Variants in PALM2AKAP2 observed in about 807,000 individuals in gnomAD.
PALM2AKAP2 encodes PALM2-AKAP2 fusion protein.
A neutral mutation model predicts 71.5 loss-of-function variants in PALM2AKAP2; 37 were observed. The ratio of observed to expected loss-of-function variants is 0.52; its 90% CI spans 0.40 to 0.68. The LOEUF (loss-of-function observed/expected upper bound fraction) is 0.68, where lower values mean the gene tolerates loss of function less well. Ranked by LOEUF, PALM2AKAP2 falls within the 30% of genes least tolerant of loss-of-function variation. PALM2AKAP2 has a pLI of 0.00. For missense variants in PALM2AKAP2, 1,224 were observed against 1,191.8 expected (o/e 1.03, Z -0.40); for synonymous variants, 468 against 478.8 (o/e 0.98, Z 0.29).
chr9:109,841,091 A>G (rs1387144173), intron 1 of PALM2AKAP2, among the ~76,000 whole-genome samples: 1 of 152,186 alleles, frequency 6.6e-6, no homozygotes. Context: ...GACACTATTC[A>G]CAATAGCAAA....
At chr9:109,989,363 A>C (rs904201167) in intron 6 of PALM2AKAP2, among the ~76,000 whole-genome samples, 5 of 152,168 alleles carry the variant, frequency 3.3e-5, no homozygotes, top group Non-Finnish European at 5.9e-5. Flanking sequence ...CCAACTCCAG[A>C]GGATGGTGCA....
chr9:109,894,399 C>T (rs1331549412), intron 3 of PALM2AKAP2, among the ~76,000 whole-genome samples: 1 of 152,162 alleles, frequency 6.6e-6, no homozygotes, highest in African/African-American at 2.4e-5. Flanking sequence ...CTGCTCAAGT[C>T]CATAAGGGAC....
chr9:110,143,781 G>A (rs1179511930), intron 2 of PALM2AKAP2, among the ~76,000 whole-genome samples: 1 of 152,202 alleles, frequency 6.6e-6, no homozygotes, highest in Non-Finnish European at 1.5e-5. Flanking sequence ...TTCACCCCGT[G>A]AGACCTACAT....
chr9:109,999,446 C>T (rs1265952523), intron 6 of PALM2AKAP2, among the ~76,000 whole-genome samples: 4 of 151,988 alleles, frequency 2.6e-5, no homozygotes, highest in Non-Finnish European at 5.9e-5. Context: ...TCTAGTCCAC[C>T]CATGTGGTTC....
rs117788004 is a variant in PALM2AKAP2 at position 110,156,645 on chromosome 9, G to A, written c.2748+148G>A. 329 of 1,220,138 alleles carry A rather than the reference G, an allele frequency of 2.7e-4. 3 individuals carry two copies. The East Asian group carries it at 9.6e-3, about 36-fold the overall frequency. The allele number at this position is 1,220,138 out of a possible 1,614,324, so 75.6% of individuals were successfully genotyped here. ...AGTTTTCATATATGTGGTTTCACAT[G>A]CCTGGAACTGGGTTTGGGTTTTTGC... is the stretch of plus-strand genomic sequence containing the variant. On this transcript the variant is annotated intron_variant, in intron 3 of 3. Transcript: ENST00000374525.
At chr9:109,898,378 G>A (rs1830252391) in intron 3 of PALM2AKAP2, among the ~76,000 whole-genome samples, 1 of 152,156 alleles carries the variant, frequency 6.6e-6, no homozygotes, top group African/African-American at 2.4e-5. Flanking sequence ...TAAGGAAGCA[G>A]CTCTCAAAAG....
chr9:110,056,380 G>A (rs938171847), intron 1 of PALM2AKAP2, among the ~76,000 whole-genome samples: 15 of 152,170 alleles, frequency 9.9e-5, no homozygotes, highest in African/African-American at 3.4e-4. Context: ...AGACATCATT[G>A]TTTAGCCATT....
chr9:109,859,390 A>G (rs1242640930), intron 1 of PALM2AKAP2, among the ~76,000 whole-genome samples: 1 of 152,186 alleles, frequency 6.6e-6, no homozygotes, highest in Admixed American at 6.5e-5. Flanking sequence ...GTTAACAACA[A>G]TATATTTTAG....
In PALM2AKAP2 at chr9:109,974,452, GA is replaced by G. The variant is rs371069807; in HGVS notation, c.497-41492del. ...ACCTACACTCAGAGCCATGCATGCT[GA>G]AAAAAAAAACCCAAAGACCCAGAGA... is the stretch of plus-strand genomic sequence containing the variant. On this transcript the variant is annotated intron_variant, in intron 6 of 9. Transcript: ENST00000302798. 7.0e-3 allele frequency among the ~76,000 whole-genome samples: 1,042 copies of G among 149,632 alleles called. 10 individuals carry two copies. Among genetic ancestry groups the G allele is most frequent in the African/African-American group, 0.021 (836 of 40,728 alleles).
At chr9:109,935,693 C>T (rs756891694) in intron 6 of PALM2AKAP2, among the ~76,000 whole-genome samples, 3 of 152,160 alleles carry the variant, frequency 2.0e-5, no homozygotes, top group Non-Finnish European at 4.4e-5. Context: ...TTAGAATCCC[C>T]TCATTCTCAT....
At chr9:110,114,713 C>T (rs1281924185) in intron 1 of PALM2AKAP2, among the ~76,000 whole-genome samples, 1 of 152,114 alleles carries the variant, frequency 6.6e-6, no homozygotes, top group Non-Finnish European at 1.5e-5. Context: ...AGCAGGCAGC[C>T]CTGGGATCAA....
At chr9:109,739,861 C>T (rs1828692374) in intron 1 of PALM2AKAP2, among the ~76,000 whole-genome samples, 1 of 152,140 alleles carries the variant, frequency 6.6e-6, no homozygotes, top group Non-Finnish European at 1.5e-5. Context: ...CTTTTGAGGC[C>T]CTGGAGCTTC....
chr9:110,029,374 T>C (rs1182355593), intron 7 of PALM2AKAP2, among the ~76,000 whole-genome samples: 1 of 152,220 alleles, frequency 6.6e-6, no homozygotes, highest in Non-Finnish European at 1.5e-5. Flanking sequence ...CTTGTGCTTT[T>C]ATCAACTCCT....
chr9:110,027,562 G>A (rs553123466), intron 7 of PALM2AKAP2, among the ~76,000 whole-genome samples: 4 of 152,328 alleles, frequency 2.6e-5, no homozygotes, highest in African/African-American at 9.6e-5. Flanking sequence ...CAAGAAACAA[G>A]GTTGGTAGCC....
At chr9:110,073,170 T>G (rs1834244169) in intron 1 of PALM2AKAP2, among the ~76,000 whole-genome samples, 1 of 152,220 alleles carries the variant, frequency 6.6e-6, no homozygotes, top group African/African-American at 2.4e-5. Flanking sequence ...GAGTCTTTAG[T>G]GCGAAGCCCT....
intron 1 of PALM2AKAP2, among the ~76,000 whole-genome samples, chr9:110,113,490 C>T (rs1835294325): frequency 6.6e-6 from 1 of 150,906 alleles, no homozygotes. Flanking sequence ...TTGTGATCTG[C>T]CCAACTTGGC....
At chr9:109,844,747 C>T (rs757113721) in intron 1 of PALM2AKAP2, among the ~76,000 whole-genome samples, 1 of 152,196 alleles carries the variant, frequency 6.6e-6, no homozygotes, top group Non-Finnish European at 1.5e-5. Context: ...CTGCACACCC[C>T]CTGCTGTTCT....
intron 3 of PALM2AKAP2, among the ~76,000 whole-genome samples, chr9:109,915,184 A>G (rs1830656298): frequency 2.0e-5 from 3 of 152,252 alleles, no homozygotes; most frequent in Admixed American, 2.0e-4. Context: ...AGGGAGGGAT[A>G]CATTGCTTAA....
At chr9:109,687,343 G>A (rs2118534963) in intron 1 of PALM2AKAP2, among the ~76,000 whole-genome samples, 1 of 152,298 alleles carries the variant, frequency 6.6e-6, no homozygotes, top group South Asian at 2.1e-4. Context: ...AGGCTGTTTT[G>A]TCCTTATAGT....
Sources: gnomAD v4.1 joint callset for allele counts (sites outside exome capture counted in the v4.1 genomes callset) on GRCh38, gnomAD v4.1.1 for gene constraint, MANE v1.5 for transcripts, NCBI Gene and HGNC (gene_info 2026-07-23, HGNC 2026-07-21) for gene names.